PIP4K2A: variants seen among roughly 807,000 people sequenced by gnomAD.
The protein encoded by PIP4K2A is phosphatidylinositol 5-phosphate 4-kinase type-2 alpha.
In PIP4K2A, 14 loss-of-function variants were observed where a neutral mutation model predicts 42.9. The observed-to-expected ratio is 0.33, with a 90% confidence interval of 0.22 to 0.51. PIP4K2A has a LOEUF of 0.51. PIP4K2A is among the 20% of genes least tolerant of loss of function. The pLI is 0.97. For missense variants in PIP4K2A, 434 were observed against 519.8 expected (o/e 0.83, Z 1.61); for synonymous variants, 192 against 192.2 (o/e 1.00, Z 0.01).
At chr10:22,713,457 C>T (rs1472483246) in intron 1 of PIP4K2A, among the ~76,000 whole-genome samples, 1 of 152,028 alleles carries the variant, frequency 6.6e-6, no homozygotes, top group Non-Finnish European at 1.5e-5. Context: ...GGGGAGGCGA[C>T]GAAGGGAGGA....
At chr10:22,604,011 A>G (rs201574536) in intron 3 of PIP4K2A, among the ~76,000 whole-genome samples, 174 of 16,734 alleles carry the variant, frequency 0.01, no homozygotes, top group African/African-American at 0.05. Context: ...GCGCGCACGC[A>G]CACACACACA....
intron 1 of PIP4K2A, among the ~76,000 whole-genome samples, chr10:22,650,239 T>C (rs1400974354): frequency 6.6e-6 from 1 of 152,184 alleles, no homozygotes; most frequent in East Asian, 1.9e-4. Context: ...GTCATATCAC[T>C]TACCGTTTTT....
rs796461806 is a variant in PIP4K2A at position 22,664,102 on chromosome 10, T to C, written c.144+50081A>G. Among the ~76,000 whole-genome samples the C allele has an allele frequency of 4.7e-3, 409 of 86,630 alleles. 8 individuals are homozygous for C. Among genetic ancestry groups the C allele is most frequent in the East Asian group, 0.039 (156 of 3,970 alleles). The allele number at this position is 86,630 out of a possible 152,430, so 56.8% of individuals were successfully genotyped here. Reference sequence around the variant, plus strand: ...GTATATATATATACATATATATATATACATATATATATACATATATATATA... The same window carrying C: ...GTATATATATATACATATATATATACACATATATATATACATATATATATA... On this transcript the variant is annotated intron_variant, in intron 1 of 9. Coordinates refer to ENST00000376573, the MANE Select transcript of PIP4K2A (RefSeq NM_005028.5).
At chr10:22,598,697 C>CTT (rs1325517229) in intron 3 of PIP4K2A, among the ~76,000 whole-genome samples, 3 of 152,298 alleles carry the variant, frequency 2.0e-5, no homozygotes, top group African/African-American at 7.2e-5. Flanking sequence ...CCAACTCACC[C>CTT]TTCCCACCTC....
intron 1 of PIP4K2A, among the ~76,000 whole-genome samples, chr10:22,711,859 A>G (rs1273546357): frequency 1.3e-5 from 2 of 152,214 alleles, no homozygotes; most frequent in Non-Finnish European, 1.5e-5. Flanking sequence ...TCATGTTTAT[A>G]TTACACCTCC....
At chr10:22,670,512 C>T (rs984471909) in intron 1 of PIP4K2A, among the ~76,000 whole-genome samples, 9 of 152,130 alleles carry the variant, frequency 5.9e-5, no homozygotes, top group Non-Finnish European at 1.2e-4. Flanking sequence ...CCCTCTTACT[C>T]GGCAATTCTT....
intron 3 of PIP4K2A, among the ~76,000 whole-genome samples, chr10:22,592,834 G>T (rs1465422472): frequency 6.6e-6 from 1 of 152,228 alleles, no homozygotes; most frequent in Non-Finnish European, 1.5e-5. Flanking sequence ...CTCCTTGCCT[G>T]GCCCTGCGGG....
rs770662202 is a variant in PIP4K2A at position 22,714,164 on chromosome 10, G to C, written c.144+19C>G. On this transcript the variant is annotated intron_variant, in intron 1 of 9. Transcript: ENST00000376573. ...AGGAGGAGGAGGAAGGGGACCGCGC[G>C]CCGCAGCTGAGCCCTTACCGAGTGG... is the stretch of plus-strand genomic sequence containing the variant. 25 of 1,595,560 alleles carry C rather than the reference G, an allele frequency of 1.6e-5. No individual in the cohort carries two copies. Among genetic ancestry groups the C allele is most frequent in the Non-Finnish European group, 2.1e-5 (25 of 1,169,830 alleles).
intron 1 of PIP4K2A, among the ~76,000 whole-genome samples, chr10:22,611,921 C>T (rs985059624): frequency 1.3e-5 from 2 of 152,170 alleles, no homozygotes; most frequent in South Asian, 2.1e-4. Context: ...TTTAAATGCG[C>T]GTGATGTGTT....
intron 6 of PIP4K2A, among the ~76,000 whole-genome samples, chr10:22,554,911 A>T (rs1588622060): frequency 6.6e-6 from 1 of 152,186 alleles, no homozygotes; most frequent in African/African-American, 2.4e-5. Flanking sequence ...GAGTAAATAC[A>T]GCCCAACGCA....
intron 5 of PIP4K2A, among the ~76,000 whole-genome samples, chr10:22,569,258 G>C (rs530708190): frequency 6.6e-6 from 1 of 152,298 alleles, no homozygotes; most frequent in East Asian, 1.9e-4. Context: ...CCCAGGACTG[G>C]AAGATCCGAG....
chr10:22,573,454 T>C lies in PIP4K2A; in HGVS notation c.496A>G (p.Ile166Val), dbSNP rs775128778. The C allele has an allele frequency of 1.2e-6, 2 of 1,610,640 alleles. No homozygotes were observed. The highest frequency in any genetic ancestry group is 4.5e-5 in the East Asian group (2 of 44,854). ...AGGGTGATCCCATGACATTCCACTA[T>C]GTACTGCATAGGAGAGAAAGAAAAA... ...HNILKKYHQY[I>V]VECHGITLLP... is the part of the protein sequence containing the mutation. The change falls in exon 5 of 10, where the codon ATA becomes GTA. Residue 166 changes from isoleucine (I) to valine (V), a missense_variant. Ile to Val is a conservative substitution (Grantham distance 29). Coordinates refer to ENST00000376573, the MANE Select transcript of PIP4K2A (RefSeq NM_005028.5).
At chr10:22,699,550 A>T (rs1387158810) in intron 1 of PIP4K2A, among the ~76,000 whole-genome samples, 1 of 151,714 alleles carries the variant, frequency 6.6e-6, no homozygotes, top group East Asian at 1.9e-4. Context: ...TAGTAAGAAA[A>T]CTCAAAGGGC....
chr10:22,675,894 A>G (rs16922586), intron 1 of PIP4K2A, among the ~76,000 whole-genome samples: 23,965 of 152,168 alleles, frequency 0.16, 2,482 homozygotes, highest in African/African-American at 0.28. Flanking sequence ...CTGATCCACA[A>G]AAAAATCACA....
chr10:22,708,138 T>C (rs1193019799), intron 1 of PIP4K2A, among the ~76,000 whole-genome samples: 1 of 152,030 alleles, frequency 6.6e-6, no homozygotes, highest in African/African-American at 2.4e-5. Flanking sequence ...CAAAATGGCA[T>C]CTTTCACCTT....
chr10:22,713,406 C>T (rs1833950075), intron 1 of PIP4K2A, among the ~76,000 whole-genome samples: 1 of 151,936 alleles, frequency 6.6e-6, no homozygotes, highest in Admixed American at 6.6e-5. Context: ...CCCCGGCCGC[C>T]CTTCCGCAGT....
intron 9 of PIP4K2A, among the ~76,000 whole-genome samples, chr10:22,538,561 G>A (rs1385751680): frequency 1.3e-5 from 2 of 152,192 alleles, no homozygotes; most frequent in East Asian, 3.9e-4. Flanking sequence ...CAAGTGGGAA[G>A]GGTCAAACGA....
At chr10:22,567,728 C>A in intron 6 of PIP4K2A, 123 bp downstream of exon 6, 1 of 841,086 alleles carries the variant, frequency 1.2e-6, no homozygotes, top group Non-Finnish European at 2.1e-6. Flanking sequence ...CTGGTGGCAG[C>A]AGAATGGGGA....
At chr10:22,537,977 GCCCCCTGC>G (rs1564410012) in intron 9 of PIP4K2A, among the ~76,000 whole-genome samples, 1 of 152,222 alleles carries the variant, frequency 6.6e-6, no homozygotes, top group African/African-American at 2.4e-5. Context: ...AGCAAGCCTG[GCCCCCTGC>G]AGAAGCACGG....
Sources: gnomAD v4.1 joint callset for allele counts (sites outside exome capture counted in the v4.1 genomes callset) on GRCh38, gnomAD v4.1.1 for gene constraint, MANE v1.5 for transcripts, NCBI Gene and HGNC (gene_info 2026-07-23, HGNC 2026-07-21) for gene names.